Variants in NOL6 observed in about 807,000 individuals in gnomAD.
NOL6 encodes nucleolar protein 6, also known as nucleolar RNA-associated protein.
NOL6 carries 33 observed loss-of-function variants against 131.7 expected under a neutral mutation model. The ratio of observed to expected loss-of-function variants is 0.25; its 90% CI spans 0.19 to 0.33. The LOEUF (loss-of-function observed/expected upper bound fraction) is 0.33, where lower values mean the gene tolerates loss of function less well. Among genes scored for constraint, NOL6 ranks in the 10% least tolerant of loss-of-function variants. The pLI, the probability that NOL6 is intolerant of heterozygous loss-of-function variation, is 1.00. For synonymous variants in NOL6, 580 were observed against 605.7 expected (o/e 0.96, Z 0.62); for missense variants, 1,297 against 1,494.5 (o/e 0.87, Z 2.18).
rs777052185 is a variant in NOL6, at chr9:33,462,651, T to C, written c.*13A>G. On this transcript the variant is annotated 3_prime_UTR_variant, in exon 26 of 26. Coordinates refer to ENST00000297990, the MANE Select transcript of NOL6 (RefSeq NM_022917.5). ...GTCCTGCTGTCCGTCTACAGCTTGC[T>C]CCAGAGCTGGGATCACACAGTCCAC... The C allele has an allele frequency of 1.2e-6, 2 of 1,613,846 alleles. No individual in the cohort carries two copies. Among genetic ancestry groups the C allele is most frequent in the East Asian group, 4.5e-5 (2 of 44,868 alleles).
At chr9:33,464,548 C>G (rs1029283726) in intron 21 of NOL6, among the ~76,000 whole-genome samples, 7 of 152,146 alleles carry the variant, frequency 4.6e-5, no homozygotes, top group African/African-American at 1.2e-4. Context: ...CTCCCACCCC[C>G]ACCAAGAGGT....
chr9:33,468,223 A>G (rs2119022616), intron 10 of NOL6, 78 bp from the exon 11 acceptor site: 1 of 1,609,820 alleles, frequency 6.2e-7, no homozygotes, highest in Non-Finnish European at 8.5e-7. Flanking sequence ...CCTAAACTTA[A>G]CTCTTTGAAG....
chr9:33,465,711 A>G (rs373493259), intron 19 of NOL6, 23 bp downstream of exon 19: 24 of 1,604,804 alleles, frequency 1.5e-5, no homozygotes, highest in Non-Finnish European at 1.4e-5. Flanking sequence ...ACAGACAGGA[A>G]GAAGCTGTGT....
At position 33,462,267 on chromosome 9, in the gene NOL6, C is replaced by A. The variant is rs1827114255; in HGVS notation, c.*397G>T. 2.0e-5 allele frequency: 14 copies of A among 715,200 alleles called. No individual in the cohort carries two copies. Among genetic ancestry groups the A allele is most frequent in the South Asian group, 1.9e-4 (13 of 67,436 alleles). The allele number at this position is 715,200 out of a possible 1,614,324, so 44.3% of individuals were successfully genotyped here. Reference sequence around the variant, plus strand: ...TGCTAAGTCTAGGCACAGGTCCTGGCAGCAGGAAGGAGACAGAGCCTCTCC... The same window carrying A: ...TGCTAAGTCTAGGCACAGGTCCTGGAAGCAGGAAGGAGACAGAGCCTCTCC... On this transcript the variant is annotated 3_prime_UTR_variant, in exon 26 of 26. Transcript: ENST00000297990.
At position 33,467,893 on chromosome 9, in the gene NOL6, A is replaced by C; in HGVS notation, c.1425-25T>G. 6.3e-7 allele frequency: 1 copy of C among 1,581,802 alleles called. No individual in the cohort carries two copies. The highest frequency in any genetic ancestry group is 1.3e-5 in the African/African-American group (1 of 74,384). ...ACTGGAGGGGTACAAAGGGCCAAAG[A>C]GGGGTAATCAGGTTGCTGGCCCCTA... On this transcript the variant is annotated intron_variant, in intron 11 of 25. Transcript: ENST00000297990. This position sits in a 1 kb window ranked among gnomAD's most constrained non-coding sequence, Gnocchi z 4.4.
In NOL6 at chr9:33,465,912, T is replaced by C. The variant is rs779603598; in HGVS notation, c.2365-15A>G. ...ACAAATCCATCCTGTTGGAAGAAGG[T>C]ATGGAAAGAGAAGGATGTGTCAGCC... On this transcript the variant is annotated splice_polypyrimidine_tract_variant and intron_variant, in intron 18 of 25. Transcript: ENST00000297990. 3.4e-5 allele frequency: 55 copies of C among 1,611,206 alleles called. No homozygotes were observed. The highest frequency in any genetic ancestry group is 1.6e-4 in the Middle Eastern group (1 of 6,072).
chr9:33,465,389 C>G, intron 19 of NOL6, 30 bp from the exon 20 acceptor site: 5 of 1,557,654 alleles, frequency 3.2e-6, no homozygotes, highest in Non-Finnish European at 4.4e-6. Flanking sequence ...GTCAGCGAGA[C>G]TCAGGGCCCC....
chr9:33,467,311 G>A lies in NOL6; in HGVS notation c.1726-49C>T, dbSNP rs1174527568. Reference sequence around the variant, plus strand: ...GAGCTGGGGAAGGAAGGGCTCTGTGGACCCTCCCCAACAAGCTTCAGTCCA... The same window carrying A: ...GAGCTGGGGAAGGAAGGGCTCTGTGAACCCTCCCCAACAAGCTTCAGTCCA... On this transcript the variant is annotated intron_variant, in intron 13 of 25. Transcript: ENST00000297990. The surrounding 1 kb of genome is among the most constrained non-coding windows in gnomAD (Gnocchi z 4.4). 2 of 1,610,416 alleles carry A rather than the reference G, an allele frequency of 1.2e-6. No individual in the cohort carries two copies. Among genetic ancestry groups the A allele is most frequent in the African/African-American group, 1.3e-5 (1 of 74,866 alleles).
Position 33,468,941 on chromosome 9 carries a change from C to A in NOL6, c.1026+17G>T, listed in dbSNP as rs754062770. 6.2e-7 allele frequency: 1 copy of A among 1,613,894 alleles called. No individual in the cohort carries two copies. ...CACAGGCGCTCAGGTAGGGAGGCTG[C>A]GCCACCCCCAACTCACCTTGTCCAG... On this transcript the variant is annotated intron_variant, in intron 7 of 25. Coordinates refer to ENST00000297990, the MANE Select transcript of NOL6 (RefSeq NM_022917.5).
Position 33,473,853 on chromosome 9 carries a change from C to G in NOL6, c.-11G>C. ...TGGCGCCGGCCCCATCACTCAGGGTCCAGCACTCTCCCGCACTTCAGATTC... is the reference window on the plus strand; with the variant it reads ...TGGCGCCGGCCCCATCACTCAGGGTGCAGCACTCTCCCGCACTTCAGATTC... On this transcript the variant is annotated 5_prime_UTR_variant, in exon 1 of 26. Coordinates refer to ENST00000297990, the MANE Select transcript of NOL6 (RefSeq NM_022917.5). The G allele has an allele frequency of 6.2e-7, 1 of 1,610,060 alleles. No individual in the cohort carries two copies. The highest frequency in any genetic ancestry group is 8.5e-7 in the Non-Finnish European group (1 of 1,180,026).
At position 33,467,627 on chromosome 9, in the gene NOL6, T is replaced by C; in HGVS notation, c.1602+64A>G. Reference sequence around the variant, plus strand: ...AGCTGGAGGAATGGTGTGTCCTTTGTGTCTCTTGGGACCCTGGATCCAGCC... The same window carrying C: ...AGCTGGAGGAATGGTGTGTCCTTTGCGTCTCTTGGGACCCTGGATCCAGCC... On this transcript the variant is annotated intron_variant, in intron 12 of 25. Transcript: ENST00000297990. The surrounding 1 kb of genome is among the most constrained non-coding windows in gnomAD (Gnocchi z 4.4). 6.4e-7 allele frequency: 1 copy of C among 1,558,312 alleles called. No homozygotes were observed. Among genetic ancestry groups the C allele is most frequent in the Non-Finnish European group, 8.7e-7 (1 of 1,150,576 alleles).
At position 33,466,203 on chromosome 9, in the gene NOL6, A is replaced by T; in HGVS notation, c.2232T>A (p.Ser744Arg). ...PMTVVCHLEG[S>R]GQWPQDAEAV... ...CCTCAGCGTCCTGTGGCCACTGGCC[A>T]CTGCCCTCCAGGTGACAAACCACTG... is the stretch of plus-strand genomic sequence containing the variant. The change falls in exon 18 of 26, where the codon AGT becomes AGA. Residue 744 changes from serine (S) to arginine (R), a missense_variant. Physicochemically the swap from Ser to Arg is moderately radical, Grantham distance 110. Coordinates refer to ENST00000297990, the MANE Select transcript of NOL6 (RefSeq NM_022917.5). 3 of 1,611,854 alleles carry T rather than the reference A, an allele frequency of 1.9e-6. No homozygotes were observed. Among genetic ancestry groups the T allele is most frequent in the Non-Finnish European group, 1.7e-6 (2 of 1,178,880 alleles).
Position 33,467,769 on chromosome 9 carries a change from G to A in NOL6, c.1524C>T (p.Gly508=). The change falls in exon 12 of 26, where the codon GGC becomes GGT. Residue 508 remains glycine (G), a synonymous_variant. Transcript: ENST00000297990. The surrounding 1 kb of genome is among the most constrained non-coding windows in gnomAD (Gnocchi z 4.4). The part of the protein sequence containing the change: ...NGGDYVSAAL[G]PLTTLLEQGL... The stretch of plus-strand genomic sequence containing the variant: ...CCTGCTCCAGGAGGGTGGTCAGGGG[G>A]CCCAAAGCAGCTGAGACATAGTCCC... 1.9e-6 allele frequency: 3 copies of A among 1,611,066 alleles called. No individual in the cohort carries two copies. The highest frequency in any genetic ancestry group is 1.3e-5 in the African/African-American group (1 of 74,930).
At chr9:33,465,077 C>A in intron 20 of NOL6, 101 bp from the exon 21 acceptor site, 2 of 1,438,338 alleles carry the variant, frequency 1.4e-6, no homozygotes, top group South Asian at 1.2e-5. Context: ...ATTGGCAGGG[C>A]AGGGCATCTT....
intron 19 of NOL6, 107 bp downstream of exon 19, chr9:33,465,627 C>G (rs905148008): frequency 3.6e-5 from 45 of 1,265,554 alleles, no homozygotes; most frequent in Non-Finnish European, 4.9e-5. Flanking sequence ...GAACTCATAC[C>G]CCTAACTATG....
chr9:33,473,692 G>A, intron 1 of NOL6, 97 bp downstream of exon 1: 1 of 1,431,416 alleles, frequency 7.0e-7, no homozygotes, highest in South Asian at 1.2e-5. Context: ...CCGCCGGCAT[G>A]GCTTTCACCC....
intron 4 of NOL6, 53 bp downstream of exon 4, chr9:33,469,959 G>T (rs41305327): frequency 6.8e-7 from 1 of 1,473,742 alleles, no homozygotes; most frequent in East Asian, 2.4e-5. Flanking sequence ...AGGGATCCAG[G>T]ATTTGTAGGT....
intron 8 of NOL6, 36 bp from the exon 9 acceptor site, chr9:33,468,602 C>T (rs370929143): frequency 1.1e-5 from 17 of 1,612,460 alleles, no homozygotes; most frequent in Non-Finnish European, 1.3e-5. Flanking sequence ...AAGGTATCCC[C>T]TTCTGGGGAC....
Position 33,472,110 on chromosome 9 carries a change from A to G in NOL6, c.272T>C (p.Leu91Pro). 1 of 1,614,154 alleles carries G rather than the reference A, an allele frequency of 6.2e-7. No individual in the cohort carries two copies. Among genetic ancestry groups the G allele is most frequent in the Non-Finnish European group, 8.5e-7 (1 of 1,179,990 alleles). ...SSLLRLQVEE[L>P]LKEVRLSEKK... ...CTCTGACAGCCTTACTTCCTTTAGT[A>G]GCTCCTCTACCTGTAAGAGAGGGTA... is the stretch of plus-strand genomic sequence containing the variant. The change falls in exon 3 of 26, where the codon CTA becomes CCA. Residue 91 changes from leucine to proline, a missense_variant. Transcript: ENST00000297990.
Sources: allele counts gnomAD v4.1 joint callset (sites outside exome capture counted in the v4.1 genomes callset), GRCh38; gene constraint gnomAD v4.1.1; non-coding constraint Gnocchi (gnomAD v3.1); transcripts MANE v1.5; gene names NCBI Gene and HGNC (gene_info 2026-07-23, HGNC 2026-07-21).